The following ABCC4 variants were observed in gnomAD, a reference collection of about 807,000 sequenced individuals.
The protein encoded by ABCC4 is ATP-binding cassette sub-family C member 4.
Under a neutral mutation model 168.5 loss-of-function variants are expected in ABCC4, and 102 were observed. The observed-to-expected ratio is 0.61, with a 90% CI of 0.52 to 0.71. The LOEUF (loss-of-function observed/expected upper bound fraction) is 0.71, where lower values mean the gene tolerates loss of function less well. Ranked by LOEUF, ABCC4 falls within the 30% of genes least tolerant of loss-of-function variation. The probability of loss-of-function intolerance (pLI) is 0.00; values close to 1 mark genes in which losing one functional copy is unlikely to be tolerated. For missense variants in ABCC4, 1,402 were observed against 1,605.8 expected (o/e 0.87, Z 2.17); for synonymous variants, 617 against 590.7 (o/e 1.04, Z -0.65).
intron 1 of ABCC4, among the ~76,000 whole-genome samples, chr13:95,283,821 C>G (rs892790078): frequency 6.6e-5 from 10 of 150,888 alleles, no homozygotes; most frequent in Non-Finnish European, 1.2e-4. Flanking sequence ...TCACTTGAAC[C>G]CAGGAGGCAG....
At chr13:95,064,463 A>T (rs1247513259) in intron 25 of ABCC4, among the ~76,000 whole-genome samples, 1 of 148,948 alleles carries the variant, frequency 6.7e-6, no homozygotes, top group Non-Finnish European at 1.5e-5. Flanking sequence ...ATACCTGACT[A>T]TATTTTGTCT....
rs1566539787 is a variant in ABCC4, at chr13:95,218,974, AAAGAAAG to A, written c.532-8200_532-8194del. Among the ~76,000 whole-genome samples the A allele has an allele frequency of 6.0e-3, 251 of 41,600 alleles. 27 individuals carry two copies. In the East Asian group the frequency reaches 0.07, roughly 12 times the overall value. The allele number at this position is 41,600 out of a possible 152,430, so 27.3% of individuals were successfully genotyped here. ...GAAAGAAAGAAAGAAAGAAAGAAAG[AAAGAAAG>A]AAAGAGTGAGAAAGAAAGAAAGAGT... On this transcript the variant is annotated intron_variant, in intron 4 of 30. Transcript: ENST00000645237.
intron 26 of ABCC4, among the ~76,000 whole-genome samples, chr13:95,056,591 T>A (rs1419366984): frequency 1.3e-5 from 2 of 151,950 alleles, no homozygotes; most frequent in Admixed American, 6.5e-5. Context: ...ATTGTATTTC[T>A]TTACTAGTAA....
intron 1 of ABCC4, among the ~76,000 whole-genome samples, chr13:95,289,790 A>G (rs188785611): frequency 1.3e-5 from 2 of 152,280 alleles, no homozygotes; most frequent in Admixed American, 1.3e-4. Context: ...TCAGAAACGT[A>G]GAGAACCTTT....
intron 29 of ABCC4, 184 bp downstream of exon 29, chr13:95,043,498 C>T (rs2032447596): frequency 4.0e-6 from 2 of 501,020 alleles, no homozygotes; most frequent in Non-Finnish European, 7.1e-6. Flanking sequence ...CAAAGAGATA[C>T]ATTGGATATA....
At chr13:95,218,921 A>G (rs200508136) in intron 4 of ABCC4, among the ~76,000 whole-genome samples, 8 of 24,778 alleles carry the variant, frequency 3.2e-4, no homozygotes, top group African/African-American at 5.6e-4. Flanking sequence ...GAGAGAGAGA[A>G]AGAAAGAGAA....
At chr13:95,096,220 C>T in intron 20 of ABCC4, 1 of 618,360 alleles carries the variant, frequency 1.6e-6, no homozygotes, top group Non-Finnish European at 2.9e-6. Flanking sequence ...GGGCTGGCAG[C>T]AGATTGGGAT....
intron 19 of ABCC4, among the ~76,000 whole-genome samples, chr13:95,126,880 A>G (rs1594140998): frequency 6.8e-6 from 1 of 147,388 alleles, no homozygotes; most frequent in South Asian, 2.1e-4. Flanking sequence ...AAGTACACCA[A>G]ATATATATAT....
At chr13:95,272,915 T>G (rs2040880650) in intron 1 of ABCC4, among the ~76,000 whole-genome samples, 2 of 149,110 alleles carry the variant, frequency 1.3e-5, no homozygotes, top group Non-Finnish European at 3.0e-5. Context: ...AAAAATAAAA[T>G]AAACATGTGC....
intron 30 of ABCC4, 89 bp from the exon 31 acceptor site, chr13:95,021,771 C>T (rs914395175): frequency 1.2e-6 from 1 of 857,296 alleles, no homozygotes; most frequent in Non-Finnish European, 1.8e-6. Flanking sequence ...TCTACTTCTT[C>T]ATGTGAAGCA....
At chr13:95,054,889 G>A (rs771288099) in intron 26 of ABCC4, among the ~76,000 whole-genome samples, 6 of 152,106 alleles carry the variant, frequency 3.9e-5, no homozygotes, top group Non-Finnish European at 5.9e-5. Context: ...TTTCCCTATC[G>A]TCTCCGTTTT....
chr13:95,057,690 A>G (rs2033117404), intron 26 of ABCC4, among the ~76,000 whole-genome samples: 1 of 152,236 alleles, frequency 6.6e-6, no homozygotes, highest in Non-Finnish European at 1.5e-5. Context: ...GAGGACCCTG[A>G]ACCATAAATG....
At chr13:95,273,146 G>A (rs891267605) in intron 1 of ABCC4, among the ~76,000 whole-genome samples, 12 of 152,150 alleles carry the variant, frequency 7.9e-5, no homozygotes, top group African/African-American at 1.9e-4. Context: ...GAAGAAGATG[G>A]TCCCTGCTTA....
At chr13:95,029,167 C>CATATATCT (rs1282151387) in intron 30 of ABCC4, among the ~76,000 whole-genome samples, 2 of 82,932 alleles carry the variant, frequency 2.4e-5, no homozygotes, top group Admixed American at 1.3e-4. Context: ...AAAAAAAATA[C>CATATATCT]ATATATATAT....
intron 19 of ABCC4, among the ~76,000 whole-genome samples, chr13:95,155,604 G>A (rs2036829073): frequency 6.6e-6 from 1 of 151,992 alleles, no homozygotes; most frequent in Non-Finnish European, 1.5e-5. Flanking sequence ...TTGTTACACT[G>A]TTGAAGGCAT....
intron 1 of ABCC4, among the ~76,000 whole-genome samples, chr13:95,278,736 T>C (rs954198713): frequency 1.4e-5 from 2 of 141,174 alleles, no homozygotes; most frequent in African/African-American, 5.3e-5. Flanking sequence ...ACAGGGAGGT[T>C]GAGGCTGCAG....
chr13:95,277,426 C>T (rs1594428811), intron 1 of ABCC4, among the ~76,000 whole-genome samples: 1 of 151,956 alleles, frequency 6.6e-6, no homozygotes, highest in Admixed American at 6.6e-5. Flanking sequence ...ACCAAAAATA[C>T]AAAAATTAGC....
intron 13 of ABCC4, among the ~76,000 whole-genome samples, chr13:95,173,533 G>A (rs550933745): frequency 6.6e-6 from 1 of 152,348 alleles, no homozygotes; most frequent in South Asian, 2.1e-4. Context: ...AGGCAGACGT[G>A]AGAAATTCAC....
chr13:95,180,616 A>G (rs2037859723), intron 11 of ABCC4, among the ~76,000 whole-genome samples: 1 of 152,058 alleles, frequency 6.6e-6, no homozygotes, highest in South Asian at 2.1e-4. Flanking sequence ...TAAAAAGACA[A>G]TGCACCATTT....
Sources: allele counts gnomAD v4.1 joint callset (sites outside exome capture counted in the v4.1 genomes callset), GRCh38; gene constraint gnomAD v4.1.1; transcripts MANE v1.5; gene names NCBI Gene and HGNC (gene_info 2026-07-23, HGNC 2026-07-21).